The following NEDD4L variants were observed in gnomAD, a reference collection of about 807,000 sequenced individuals.
The protein encoded by NEDD4L is NEDD4 like E3 ubiquitin protein ligase.
NEDD4L carries 54 observed loss-of-function variants against 148.9 expected under a neutral mutation model. That is an observed-to-expected ratio of 0.36 (90% CI 0.29 to 0.45). The LOEUF is 0.45. Ranked by LOEUF, NEDD4L falls within the 20% of genes least tolerant of loss-of-function variation. The pLI is 1.00. For missense variants in NEDD4L, 856 were observed against 1,233.8 expected, an observed-to-expected ratio of 0.69 and a Z score of 4.59; for synonymous variants, 433 against 440.7, an observed-to-expected ratio of 0.98 and a Z score of 0.22.
At chr18:58,062,291 G>A (rs1416052600) in intron 1 of NEDD4L, among the ~76,000 whole-genome samples, 5 of 152,132 alleles carry the variant, frequency 3.3e-5, no homozygotes, top group African/African-American at 1.2e-4. Flanking sequence ...CACCTGTGGA[G>A]TCTGTTGTCC....
intron 2 of NEDD4L, among the ~76,000 whole-genome samples, chr18:58,202,415 A>G (rs2041514775): frequency 6.6e-6 from 1 of 152,260 alleles, no homozygotes; most frequent in South Asian, 2.1e-4. Context: ...CTCATCAGCA[A>G]TGTAAGATGT....
chr18:58,296,082 A>G (rs1014642435), intron 5 of NEDD4L, among the ~76,000 whole-genome samples: 2 of 152,176 alleles, frequency 1.3e-5, no homozygotes, highest in Non-Finnish European at 2.9e-5. Context: ...CAGTTGTCAG[A>G]TCACTTTGCG....
intron 2 of NEDD4L, among the ~76,000 whole-genome samples, chr18:58,224,639 T>C (rs562930647): frequency 1.3e-5 from 2 of 152,382 alleles, no homozygotes; most frequent in East Asian, 3.9e-4. Flanking sequence ...TATAACTATT[T>C]AGCTTAACTC....
At chr18:58,319,870 G>A (rs78368088) in intron 6 of NEDD4L, among the ~76,000 whole-genome samples, 11,638 of 152,172 alleles carry the variant, frequency 0.076, 488 homozygotes, top group Middle Eastern at 0.11. Flanking sequence ...AGTGTGCCAG[G>A]TGCCCTTGAG....
At chr18:58,156,602 C>A (rs1006952239) in intron 1 of NEDD4L, among the ~76,000 whole-genome samples, 1 of 152,130 alleles carries the variant, frequency 6.6e-6, no homozygotes, top group Non-Finnish European at 1.5e-5. Context: ...TACCCCCCAC[C>A]GCCTCCCACG....
intron 1 of NEDD4L, among the ~76,000 whole-genome samples, chr18:58,106,067 G>A (rs2085055323): frequency 6.6e-6 from 1 of 152,252 alleles, no homozygotes; most frequent in Non-Finnish European, 1.5e-5. Context: ...TGGGCAGGCT[G>A]TTGATGTGGA....
In NEDD4L at chr18:58,400,368, T is replaced by G. The variant is rs1357182343; in HGVS notation, c.*4099T>G. 3 of 152,192 alleles carry G rather than the reference T, an allele frequency of 2.0e-5. No homozygotes were observed. The highest frequency in any genetic ancestry group is 2.9e-5 in the Non-Finnish European group (2 of 68,016). 9.4% of individuals were successfully genotyped at this position (152,192 alleles called of 1,614,324 possible). On this transcript the variant is annotated 3_prime_UTR_variant, in exon 31 of 31. Transcript: ENST00000400345. ...CACTTTGTACTTTAGATTTTAAAAC[T>G]GGGGAAAAATGTGATATTCTTTGGA...
At chr18:58,118,972 T>G (rs1184213571) in intron 1 of NEDD4L, among the ~76,000 whole-genome samples, 1 of 115,506 alleles carries the variant, frequency 8.7e-6, no homozygotes, top group Non-Finnish European at 1.9e-5. Flanking sequence ...TCTTGGATTT[T>G]GTTGTTACCC....
intron 5 of NEDD4L, among the ~76,000 whole-genome samples, chr18:58,312,658 G>A (rs770394800): frequency 1.2e-4 from 18 of 151,326 alleles, no homozygotes; most frequent in African/African-American, 1.7e-4. Context: ...CTCCTCTGCA[G>A]GGTTGAAGAC....
intron 1 of NEDD4L, among the ~76,000 whole-genome samples, chr18:58,162,132 ATTG>A (rs2036291674): frequency 6.6e-6 from 1 of 152,062 alleles, no homozygotes; most frequent in Non-Finnish European, 1.5e-5. Context: ...TCTCTCTCCA[ATTG>A]TTCTCCCTCC....
chr18:58,230,414 C>CTTTTTTTTTTTTTTT (rs66531634), intron 2 of NEDD4L, among the ~76,000 whole-genome samples: 1 of 146,180 alleles, frequency 6.8e-6, no homozygotes, highest in Non-Finnish European at 1.5e-5. Context: ...TGTGAAGCTT[C>CTTTTTTTTTTTTTTT]TTCTTTTTTT....
chr18:58,357,387 C>G, intron 19 of NEDD4L, 135 bp downstream of exon 19: 1 of 831,074 alleles, frequency 1.2e-6, no homozygotes, highest in South Asian at 1.4e-5. Flanking sequence ...GAGCACTTTG[C>G]TGCCATCTCC....
chr18:58,344,719 C>T (rs557337452), intron 16 of NEDD4L, among the ~76,000 whole-genome samples: 15 of 151,302 alleles, frequency 9.9e-5, no homozygotes, highest in African/African-American at 2.9e-4. Context: ...TAATGGAGTT[C>T]TTTTTTTTTA....
intron 3 of NEDD4L, among the ~76,000 whole-genome samples, chr18:58,245,936 G>A (rs1347502407): frequency 1.4e-5 from 2 of 147,458 alleles, no homozygotes; most frequent in African/African-American, 5.0e-5. Context: ...GACCTCAGGT[G>A]ATCCACCTGT....
At chr18:58,225,049 G>A (rs2044200939) in intron 2 of NEDD4L, among the ~76,000 whole-genome samples, 1 of 152,106 alleles carries the variant, frequency 6.6e-6, no homozygotes, top group Non-Finnish European at 1.5e-5. Flanking sequence ...GTGTATGGCA[G>A]AGGAATGCTC....
intron 5 of NEDD4L, among the ~76,000 whole-genome samples, chr18:58,289,541 A>G (rs1040179656): frequency 9.2e-5 from 14 of 152,238 alleles, no homozygotes; most frequent in African/African-American, 3.4e-4. Context: ...TGTTTTGGAC[A>G]CAGCCTGCAG....
intron 16 of NEDD4L, among the ~76,000 whole-genome samples, chr18:58,343,664 A>C (rs187851080): frequency 1.5e-4 from 23 of 152,286 alleles, no homozygotes; most frequent in African/African-American, 4.3e-4. Context: ...CATTTTGTCA[A>C]AATTGATTTT....
In NEDD4L at chr18:58,125,647, A is replaced by C. The variant is rs1412353330; in HGVS notation, c.49-40141A>C. On this transcript the variant is annotated intron_variant, in intron 1 of 30. Coordinates refer to ENST00000400345, the MANE Select transcript of NEDD4L (RefSeq NM_001144967.3). ...TCTCTGTGCCTCATGCAGCCCAGGAAATATAATTTGGACCGCAAATGCCAG... is the reference window on the plus strand; with the variant it reads ...TCTCTGTGCCTCATGCAGCCCAGGACATATAATTTGGACCGCAAATGCCAG... Among the ~76,000 whole-genome samples, 5 of 152,262 alleles carry C rather than the reference A, an allele frequency of 3.3e-5. No individual in the cohort carries two copies. In the East Asian group the frequency reaches 7.7e-4, roughly 23 times the overall value.
intron 1 of NEDD4L, among the ~76,000 whole-genome samples, chr18:58,048,939 A>G (rs1296153744): frequency 6.6e-6 from 1 of 152,206 alleles, no homozygotes; most frequent in African/African-American, 2.4e-5. Context: ...TTTGGCGTGG[A>G]TGCCATATTT....
Sources: gnomAD v4.1 joint callset for allele counts (sites outside exome capture counted in the v4.1 genomes callset) on GRCh38, gnomAD v4.1.1 for gene constraint, MANE v1.5 for transcripts, NCBI Gene and HGNC (gene_info 2026-07-23, HGNC 2026-07-21) for gene names.